CNTNAP2: variants seen among roughly 807,000 people sequenced by gnomAD.
CNTNAP2 encodes the protein contactin associated protein 2, also known as contactin-associated protein-like 2.
A neutral mutation model predicts 155.2 loss-of-function variants in CNTNAP2; 98 were observed. That is an observed-to-expected ratio of 0.63 (90% CI 0.54 to 0.75). CNTNAP2 has a LOEUF of 0.75. Ranked by LOEUF, CNTNAP2 falls within the 30% of genes least tolerant of loss-of-function variation. The pLI is 0.00. For synonymous variants in CNTNAP2, 651 were observed against 631.2 expected, an observed-to-expected ratio of 1.03 and a Z score of -0.47; for missense variants, 1,727 against 1,688.1, an observed-to-expected ratio of 1.02 and a Z score of -0.40.
chr7:147,830,098 A>G (rs1043846261), intron 13 of CNTNAP2, among the ~76,000 whole-genome samples: 1 of 151,788 alleles, frequency 6.6e-6, no homozygotes, highest in African/African-American at 2.4e-5. Flanking sequence ...CATTCAATAC[A>G]TATGTGAATC....
At chr7:147,172,243 C>A (rs1188909121) in intron 8 of CNTNAP2, among the ~76,000 whole-genome samples, 1 of 152,094 alleles carries the variant, frequency 6.6e-6, no homozygotes, top group Non-Finnish European at 1.5e-5. Context: ...ACATTTATAG[C>A]ATCCTATGTA....
intron 8 of CNTNAP2, among the ~76,000 whole-genome samples, chr7:147,277,968 T>G (rs1355930570): frequency 2.0e-5 from 3 of 151,818 alleles, no homozygotes; most frequent in Non-Finnish European, 2.9e-5. Context: ...TACCATGAAA[T>G]GCATGCAAAT....
chr7:147,710,721 A>G (rs986020255), intron 13 of CNTNAP2, among the ~76,000 whole-genome samples: 1 of 152,136 alleles, frequency 6.6e-6, no homozygotes, highest in African/African-American at 2.4e-5. Flanking sequence ...TGAGTTTTCC[A>G]CTTTGATATC....
chr7:148,168,351 G>A (rs1805710999), intron 17 of CNTNAP2, among the ~76,000 whole-genome samples: 1 of 152,038 alleles, frequency 6.6e-6, no homozygotes, highest in South Asian at 2.1e-4. Context: ...AGAAAATGTG[G>A]CACATATACA....
intron 1 of CNTNAP2, among the ~76,000 whole-genome samples, chr7:146,721,787 T>TCTACATATATATTCTATATATAGC (rs1801330366): frequency 8.3e-6 from 1 of 120,968 alleles, no homozygotes; most frequent in African/African-American, 3.5e-5. Flanking sequence ...CTATATATAG[T>TCTACATATATATTCTATATATAGC]CTACATATAT....
Position 148,178,952 on chromosome 7 carries a change from C to T in CNTNAP2, c.3010+6474C>T, listed in dbSNP as rs192691443. On this transcript the variant is annotated intron_variant, in intron 18 of 23. Transcript: ENST00000361727. Reference sequence around the variant, plus strand: ...ATCCTTGAGTATTGGATTGTCATTTCGGTACTTCAGGAGCAGTGGCAGTGT... The same window carrying T: ...ATCCTTGAGTATTGGATTGTCATTTTGGTACTTCAGGAGCAGTGGCAGTGT... Among the ~76,000 whole-genome samples the T allele has an allele frequency of 1.8e-3, 278 of 152,258 alleles. 4 individuals are homozygous for T. The highest frequency in any genetic ancestry group is 0.016 in the Admixed American group (240 of 15,296).
chr7:147,353,139 A>G (rs1795998985), intron 9 of CNTNAP2, among the ~76,000 whole-genome samples: 1 of 151,726 alleles, frequency 6.6e-6, no homozygotes, highest in African/African-American at 2.4e-5. Context: ...ACATATACGT[A>G]TATGTACATA....
intron 9 of CNTNAP2, among the ~76,000 whole-genome samples, chr7:147,393,485 A>C (rs1314603104): frequency 6.8e-6 from 1 of 146,204 alleles, no homozygotes; most frequent in African/African-American, 2.5e-5. Context: ...CAATTATTCA[A>C]AAAAAAAAAA....
chr7:146,652,332 T>G (rs1799928534), intron 1 of CNTNAP2, among the ~76,000 whole-genome samples: 3 of 152,160 alleles, frequency 2.0e-5, no homozygotes, highest in Admixed American at 2.0e-4. Flanking sequence ...GAAATAGACC[T>G]ACGACTGTTG....
intron 21 of CNTNAP2, among the ~76,000 whole-genome samples, chr7:148,296,174 G>A (rs1003935540): frequency 6.6e-6 from 1 of 152,038 alleles, no homozygotes; most frequent in African/African-American, 2.4e-5. Context: ...TCCAATTTTT[G>A]TTCTCAGGCA....
At chr7:147,028,624 G>A (rs1798967313) in intron 3 of CNTNAP2, among the ~76,000 whole-genome samples, 1 of 152,212 alleles carries the variant, frequency 6.6e-6, no homozygotes, top group East Asian at 1.9e-4. Context: ...GTAGTAGACT[G>A]TGGCTAGACC....
At chr7:146,232,945 A>G (rs1563000034) in intron 1 of CNTNAP2, among the ~76,000 whole-genome samples, 1 of 152,176 alleles carries the variant, frequency 6.6e-6, no homozygotes, top group Non-Finnish European at 1.5e-5. Context: ...GTAGAGAGAC[A>G]AAAACCCATT....
chr7:147,646,795 C>G (rs1795371765), intron 13 of CNTNAP2, among the ~76,000 whole-genome samples: 1 of 152,102 alleles, frequency 6.6e-6, no homozygotes, highest in Non-Finnish European at 1.5e-5. Flanking sequence ...CTGGGCCTAA[C>G]TTTAGAAGAG....
intron 8 of CNTNAP2, among the ~76,000 whole-genome samples, chr7:147,206,263 TAA>T (rs36073630): frequency 7.2e-6 from 1 of 139,088 alleles, no homozygotes; most frequent in Non-Finnish European, 1.6e-5. Flanking sequence ...TAAACCTGTA[TAA>T]AAAAAAAAAA....
chr7:146,172,180 A>C (rs1798404125), intron 1 of CNTNAP2, among the ~76,000 whole-genome samples: 1 of 151,758 alleles, frequency 6.6e-6, no homozygotes, highest in Admixed American at 6.6e-5. Flanking sequence ...TTTGCTTCTG[A>C]AAATACCTAT....
intron 8 of CNTNAP2, among the ~76,000 whole-genome samples, chr7:147,291,002 A>T (rs1805295190): frequency 6.6e-6 from 1 of 152,170 alleles, no homozygotes; most frequent in South Asian, 2.1e-4. Flanking sequence ...ATGAGTATAT[A>T]CACTTAGACA....
intron 1 of CNTNAP2, among the ~76,000 whole-genome samples, chr7:146,170,876 A>C (rs1455839829): frequency 1.3e-5 from 2 of 152,076 alleles, no homozygotes; most frequent in African/African-American, 2.4e-5. Context: ...AACTACAAAA[A>C]ATTAGCCAGA....
At chr7:147,585,797 G>T (rs1034823402) in intron 12 of CNTNAP2, among the ~76,000 whole-genome samples, 1 of 151,520 alleles carries the variant, frequency 6.6e-6, no homozygotes, top group Non-Finnish European at 1.5e-5. Flanking sequence ...GTGTATATAT[G>T]TGTGTGTGTA....
chr7:147,620,926 C>T (rs1049433837), intron 12 of CNTNAP2, among the ~76,000 whole-genome samples: 1 of 152,030 alleles, frequency 6.6e-6, no homozygotes, highest in Non-Finnish European at 1.5e-5. Context: ...AAGACTAGCT[C>T]AAGGCATTTA....
Sources: allele counts gnomAD v4.1 joint callset (sites outside exome capture counted in the v4.1 genomes callset), GRCh38; gene constraint gnomAD v4.1.1; transcripts MANE v1.5; gene names NCBI Gene and HGNC (gene_info 2026-07-23, HGNC 2026-07-21).